SORCS3: variants seen among roughly 807,000 people sequenced by gnomAD.
The protein encoded by SORCS3 is sortilin related VPS10 domain containing receptor 3.
Under a neutral mutation model 146.3 loss-of-function variants are expected in SORCS3, and 57 were observed. That is an observed-to-expected ratio of 0.39 (90% CI 0.31 to 0.49). The LOEUF (loss-of-function observed/expected upper bound fraction) is 0.49. Ranked by LOEUF, SORCS3 falls within the 20% of genes least tolerant of loss-of-function variation. SORCS3 has a pLI of 0.92. For synonymous variants in SORCS3, 653 were observed against 618.5 expected, an observed-to-expected ratio of 1.06 and a Z score of -0.83; for missense variants, 1,341 against 1,575.5, an observed-to-expected ratio of 0.85 and a Z score of 2.52.
At chr10:104,693,141 G>C (rs773163611) in intron 1 of SORCS3, among the ~76,000 whole-genome samples, 1 of 152,206 alleles carries the variant, frequency 6.6e-6, no homozygotes, top group East Asian at 1.9e-4. Flanking sequence ...TAGCCTCTGT[G>C]GGGCTGGCAG....
At chr10:105,256,467 C>T (rs1203779492) in intron 24 of SORCS3, among the ~76,000 whole-genome samples, 1 of 152,202 alleles carries the variant, frequency 6.6e-6, no homozygotes, top group African/African-American at 2.4e-5. Context: ...CCCAAAATTT[C>T]AAATGGGCTC....
chr10:104,798,700 G>A (rs1017942198), intron 1 of SORCS3, among the ~76,000 whole-genome samples: 3 of 152,046 alleles, frequency 2.0e-5, no homozygotes, highest in Non-Finnish European at 4.4e-5. Context: ...ATTGAAAATG[G>A]GATCTAATTA....
At chr10:105,227,985 TTGTGTGTG>T (rs59033040) in intron 20 of SORCS3, among the ~76,000 whole-genome samples, 5,134 of 128,870 alleles carry the variant, frequency 0.04, 125 homozygotes, top group African/African-American at 0.086. Context: ...TGTGGTCATT[TTGTGTGTG>T]TGTGTGTGTG....
At chr10:104,861,623 C>T (rs2018404296) in intron 2 of SORCS3, among the ~76,000 whole-genome samples, 1 of 152,128 alleles carries the variant, frequency 6.6e-6, no homozygotes, top group Non-Finnish European at 1.5e-5. Context: ...TGGTGCTTGC[C>T]CCGGTGTGGA....
rs947378329 is a variant in SORCS3 at position 104,943,640 on chromosome 10, C to T, written c.795+27708C>T. ...AATTTTATAAACATCCTTATTTCCCCCCACTCTCATCTATTGATTCAAAAC... is the reference window on the plus strand; with the variant it reads ...AATTTTATAAACATCCTTATTTCCCTCCACTCTCATCTATTGATTCAAAAC... On this transcript the variant is annotated intron_variant, in intron 3 of 26. Coordinates refer to ENST00000369701, the MANE Select transcript of SORCS3 (RefSeq NM_014978.3). 4.6e-5 allele frequency among the ~76,000 whole-genome samples: 7 copies of T among 152,054 alleles called. No homozygotes were observed. In the South Asian group the frequency reaches 1.0e-3, roughly 23 times the overall value.
chr10:104,711,861 TG>T (rs973132580), intron 1 of SORCS3, among the ~76,000 whole-genome samples: 1 of 152,042 alleles, frequency 6.6e-6, no homozygotes, highest in Non-Finnish European at 1.5e-5. Flanking sequence ...GTTCTGTGCC[TG>T]GAGGACATAG....
intron 1 of SORCS3, among the ~76,000 whole-genome samples, chr10:104,712,831 T>C (rs990566134): frequency 2.0e-5 from 3 of 152,180 alleles, no homozygotes; most frequent in African/African-American, 7.2e-5. Flanking sequence ...AACAAGCACC[T>C]ACTGTGTGAT....
At chr10:104,733,837 C>G (rs34876043) in intron 1 of SORCS3, among the ~76,000 whole-genome samples, 1 of 152,272 alleles carries the variant, frequency 6.6e-6, no homozygotes, top group South Asian at 2.1e-4. Context: ...ACCTGCAAAC[C>G]TAAGCCAATT....
chr10:105,212,117 T>C (rs1410581847), intron 17 of SORCS3, among the ~76,000 whole-genome samples: 1 of 152,172 alleles, frequency 6.6e-6, no homozygotes, highest in Non-Finnish European at 1.5e-5. Context: ...AGTTGTAACA[T>C]AATCAGTTAG....
chr10:104,897,474 G>A, intron 2 of SORCS3, among the ~76,000 whole-genome samples: 1 of 152,140 alleles, frequency 6.6e-6, no homozygotes, highest in Admixed American at 6.5e-5. Flanking sequence ...CCACTAAAAT[G>A]CATAAGATGC....
intron 1 of SORCS3, chr10:104,822,026 C>G: frequency 2.0e-6 from 1 of 505,392 alleles, no homozygotes; most frequent in Non-Finnish European, 3.9e-6. Flanking sequence ...CCATCTCAGC[C>G]TACTGCAAGG....
At chr10:104,799,677 A>AG (rs2017601493) in intron 1 of SORCS3, among the ~76,000 whole-genome samples, 1 of 147,382 alleles carries the variant, frequency 6.8e-6, no homozygotes, top group African/African-American at 2.5e-5. Flanking sequence ...CATGTAACCC[A>AG]GAACTTTTTT....
chr10:105,105,278 C>G, intron 6 of SORCS3, 119 bp from the exon 7 acceptor site: 2 of 609,862 alleles, frequency 3.3e-6, no homozygotes, highest in Admixed American at 6.2e-5. Context: ...AGCATGAAAT[C>G]TCACTGTTAT....
intron 1 of SORCS3, among the ~76,000 whole-genome samples, chr10:104,830,764 C>T (rs919201538): frequency 1.3e-5 from 2 of 152,060 alleles, no homozygotes; most frequent in African/African-American, 4.8e-5. Context: ...TCTTTTCCAC[C>T]CTCCTGTTTG....
intron 11 of SORCS3, among the ~76,000 whole-genome samples, chr10:105,162,211 G>A (rs1255226843): frequency 1.3e-5 from 2 of 152,182 alleles, no homozygotes; most frequent in African/African-American, 4.8e-5. Flanking sequence ...GGGAGGAAAT[G>A]AGGGTGAAAG....
intron 14 of SORCS3, among the ~76,000 whole-genome samples, chr10:105,183,593 TG>T (rs1209381908): frequency 6.6e-6 from 1 of 152,206 alleles, no homozygotes; most frequent in East Asian, 1.9e-4. Context: ...TGGAAGAGCC[TG>T]ATTTTACTTT....
At chr10:105,255,513 A>G (rs1004749193) in intron 23 of SORCS3, among the ~76,000 whole-genome samples, 189 bp from the exon 24 acceptor site, 1 of 152,200 alleles carries the variant, frequency 6.6e-6, no homozygotes, top group African/African-American at 2.4e-5. Context: ...TCAAGGGTCA[A>G]CTGTACTTCC....
At chr10:104,827,842 T>C (rs964380495) in intron 1 of SORCS3, among the ~76,000 whole-genome samples, 3 of 152,242 alleles carry the variant, frequency 2.0e-5, no homozygotes. Flanking sequence ...AGCTTCTCCA[T>C]CAGAACTTGC....
At chr10:104,656,947 C>G (rs1167076876) in intron 1 of SORCS3, among the ~76,000 whole-genome samples, 2 of 152,158 alleles carry the variant, frequency 1.3e-5, no homozygotes, top group Non-Finnish European at 2.9e-5. Context: ...CTTTATAACT[C>G]CCTTTGTATG....
Sources: gnomAD v4.1 joint callset for allele counts (sites outside exome capture counted in the v4.1 genomes callset) on GRCh38, gnomAD v4.1.1 for gene constraint, MANE v1.5 for transcripts, NCBI Gene and HGNC (gene_info 2026-07-23, HGNC 2026-07-21) for gene names.